Variants in ACSF2 observed in about 807,000 individuals in gnomAD.
The protein encoded by ACSF2 is acyl-CoA synthetase family member 2.
ACSF2 carries 52 observed loss-of-function variants against 79.3 expected under a neutral mutation model. That is an observed-to-expected ratio of 0.66 (90% CI 0.53 to 0.83). The LOEUF is 0.83. ACSF2 is among the 40% of genes least tolerant of loss of function. The probability of loss-of-function intolerance (pLI) is 0.00; values close to 1 mark genes in which losing one functional copy is unlikely to be tolerated. For synonymous variants in ACSF2, 283 were observed against 312.6 expected, an observed-to-expected ratio of 0.91 and a Z score of 1.00; for missense variants, 661 against 803.3, an observed-to-expected ratio of 0.82 and a Z score of 2.14.
intron 1 of ACSF2, among the ~76,000 whole-genome samples, chr17:50,439,239 T>G (rs1028116502): frequency 6.9e-6 from 1 of 145,270 alleles, no homozygotes; most frequent in Non-Finnish European, 1.5e-5. Context: ...CAGCTTTTTT[T>G]TTTTTTTTTT....
chr17:50,455,234 C>T (rs984253298), intron 1 of ACSF2, among the ~76,000 whole-genome samples: 1 of 152,142 alleles, frequency 6.6e-6, no homozygotes, highest in Non-Finnish European at 1.5e-5. Flanking sequence ...CCACCCACCT[C>T]GGCCTCCCAA....
chr17:50,474,810 G>A lies in ACSF2; in HGVS notation c.*258G>A, dbSNP rs2033270543. On this transcript the variant is annotated 3_prime_UTR_variant, in exon 16 of 16. Transcript: ENST00000300441. The surrounding 1 kb of genome is among the most constrained non-coding windows in gnomAD (Gnocchi z 4.2). ...ATTCCCCTGTCTGTCCTTGTGATTT[G>A]GCATAAAGAGCTTCTGTTTTCTTTG... is the stretch of plus-strand genomic sequence containing the variant. The A allele has an allele frequency of 1.0e-5, 5 of 496,890 alleles. No homozygotes were observed. The highest frequency in any genetic ancestry group is 7.0e-5 in the East Asian group (2 of 28,748). The allele number at this position is 496,890 out of a possible 1,614,324, so 30.8% of individuals were successfully genotyped here.
Position 50,463,501 on chromosome 17 carries a change from C to T in ACSF2, c.995C>T (p.Ala332Val). 4 of 1,614,180 alleles carry T rather than the reference C, an allele frequency of 2.5e-6. No individual in the cohort carries two copies. The highest frequency in any genetic ancestry group is 3.4e-6 in the Non-Finnish European group (4 of 1,180,034). The change falls in exon 8 of 16, where the codon GCC becomes GTC. Residue 332 changes from alanine (A) to valine (V), a missense_variant. Transcript: ENST00000300441. The surrounding 1 kb of genome is among the most constrained non-coding windows in gnomAD (Gnocchi z 4.6). ...ATGTACGGTGCCACCCTCATCCTGG[C>T]CTCTCCCATCTTCAATGGCAAGAAG... The part of the protein sequence containing the change: ...CLMYGATLIL[A>V]SPIFNGKKAL...
chr17:50,466,747 A>G (rs925719693), intron 10 of ACSF2, among the ~76,000 whole-genome samples: 5 of 152,310 alleles, frequency 3.3e-5, no homozygotes, highest in Non-Finnish European at 4.4e-5. Flanking sequence ...GGACGGCTCC[A>G]GAGGAAATGT....
intron 1 of ACSF2, among the ~76,000 whole-genome samples, chr17:50,441,236 G>A (rs1486426147): frequency 6.6e-6 from 1 of 152,260 alleles, no homozygotes; most frequent in Non-Finnish European, 1.5e-5. Context: ...GTGGCACGAT[G>A]TCGGCTCACT....
chr17:50,461,455 T>C, intron 3 of ACSF2, 85 bp downstream of exon 3: 1 of 1,601,572 alleles, frequency 6.2e-7, no homozygotes, highest in South Asian at 1.1e-5. Context: ...AGCCCCAGGA[T>C]CAAACCAGTG....
Position 50,474,096 on chromosome 17 carries a change from C to T in ACSF2, c.1728+92C>T. On this transcript the variant is annotated intron_variant, in intron 14 of 15. Coordinates refer to ENST00000300441, the MANE Select transcript of ACSF2 (RefSeq NM_025149.6). This position sits in a 1 kb window ranked among gnomAD's most constrained non-coding sequence, Gnocchi z 4.2. The stretch of plus-strand genomic sequence containing the variant: ...AGCCCAGGGTGGGGATTGCTCTGCC[C>T]TTGACGAAGCTGACTCCTGGCCAGG... The T allele has an allele frequency of 6.3e-7, 1 of 1,584,286 alleles. No homozygotes were observed. Among genetic ancestry groups the T allele is most frequent in the South Asian group, 1.1e-5 (1 of 88,046 alleles).
At chr17:50,464,141 C>G in intron 9 of ACSF2, 77 bp from the exon 10 acceptor site, 1 of 1,481,536 alleles carries the variant, frequency 6.7e-7, no homozygotes, top group Non-Finnish European at 9.4e-7. Flanking sequence ...TGTTCCTCCC[C>G]TGAATGAGCT....
intron 10 of ACSF2, chr17:50,465,757 G>A: frequency 6.2e-7 from 1 of 1,613,888 alleles, no homozygotes; most frequent in Non-Finnish European, 8.5e-7. Flanking sequence ...TATTGGTAAG[G>A]GCGAGGGTCT....
chr17:50,467,645 CA>C (rs2032822840), intron 10 of ACSF2, among the ~76,000 whole-genome samples: 1 of 152,150 alleles, frequency 6.6e-6, no homozygotes, highest in Non-Finnish European at 1.5e-5. Flanking sequence ...CCTCAATAAA[CA>C]AACCTTCCTT....
intron 1 of ACSF2, among the ~76,000 whole-genome samples, chr17:50,441,840 A>T (rs892539998): frequency 2.0e-5 from 3 of 150,906 alleles, no homozygotes; most frequent in African/African-American, 7.3e-5. Context: ...TTATTTATTT[A>T]TTTTTATTTA....
intron 6 of ACSF2, chr17:50,462,898 A>C: frequency 1.7e-6 from 1 of 582,676 alleles, no homozygotes; most frequent in Non-Finnish European, 3.0e-6. Flanking sequence ...CGCAGAAGAG[A>C]GAATTTGCCC....
chr17:50,426,339 CCT>C lies in ACSF2; in HGVS notation c.84_85del (p.Arg29GlufsTer41). On this transcript the variant is annotated frameshift_variant, in exon 1 of 16. Transcript: ENST00000300441. LOFTEE classifies it high-confidence loss of function. ...CGGGGGTGCTGGGGGCCCGGGCCGC[CCT>C]CTCTCGGAGTTGGCAGGAAGCCAGG... ...SSGVLGARAA[L>X]SRSWQEARLQ... 7.0e-7 allele frequency: 1 copy of C among 1,423,072 alleles called. No individual in the cohort carries two copies. The highest frequency in any genetic ancestry group is 1.6e-5 in the South Asian group (1 of 62,962). The allele number at this position is 1,423,072 out of a possible 1,614,324, so 88.2% of individuals were successfully genotyped here.
At chr17:50,464,634 A>C (rs1258320209) in intron 10 of ACSF2, 4 of 501,274 alleles carry the variant, frequency 8.0e-6, no homozygotes, top group Middle Eastern at 3.0e-4. Flanking sequence ...TGGGCTTTAA[A>C]ACCCTTTCTG....
In ACSF2 at chr17:50,463,142, G is replaced by C; in HGVS notation, c.793-14G>C. The C allele has an allele frequency of 6.2e-7, 1 of 1,611,918 alleles. No homozygotes were observed. The highest frequency in any genetic ancestry group is 2.2e-5 in the East Asian group (1 of 44,878). ...TGAGAAGGAGGCCAAGCCATGCCCT[G>C]TTTGCCTTGTCAGGGGACAACAGGC... is the stretch of plus-strand genomic sequence containing the variant. On this transcript the variant is annotated splice_polypyrimidine_tract_variant and intron_variant, in intron 6 of 15. Transcript: ENST00000300441. The surrounding 1 kb of genome is among the most constrained non-coding windows in gnomAD (Gnocchi z 4.6).
intron 1 of ACSF2, 88 bp from the exon 2 acceptor site, chr17:50,460,589 T>A (rs2032268225): frequency 8.2e-7 from 1 of 1,225,874 alleles, no homozygotes; most frequent in Admixed American, 2.2e-5. Flanking sequence ...GTCAGCAGCC[T>A]ACCCCCTGGC....
chr17:50,441,681 C>T (rs1338489380), intron 1 of ACSF2, among the ~76,000 whole-genome samples: 1 of 152,142 alleles, frequency 6.6e-6, no homozygotes, highest in African/African-American at 2.4e-5. Context: ...TTATGAAGAT[C>T]ACAGATCAGG....
chr17:50,454,165 C>T (rs2031846385), intron 1 of ACSF2, among the ~76,000 whole-genome samples: 1 of 145,916 alleles, frequency 6.9e-6, no homozygotes, highest in Non-Finnish European at 1.5e-5. Context: ...TAAGACCGTC[C>T]CAAATTTTTT....
Position 50,472,458 on chromosome 17 carries a change from C to T in ACSF2, c.1354C>T (p.Leu452=), listed in dbSNP as rs537935777. 1 of 1,612,774 alleles carries T rather than the reference C, an allele frequency of 6.2e-7. No individual in the cohort carries two copies. Among genetic ancestry groups the T allele is most frequent in the South Asian group, 1.1e-5 (1 of 90,856 alleles). ...GATCATGAACATGGAGGCAGGGACG[C>T]TGGCAAAGCTGAACACGCCCGGGGA... ...ARIMNMEAGT[L]AKLNTPGELC... Residue 452 remains leucine, a synonymous_variant, in exon 12 of 16, where the codon CTG becomes TTG. Coordinates refer to ENST00000300441, the MANE Select transcript of ACSF2 (RefSeq NM_025149.6).
Sources: gnomAD v4.1 joint callset for allele counts (sites outside exome capture counted in the v4.1 genomes callset) on GRCh38, gnomAD v4.1.1 for gene constraint, Gnocchi (gnomAD v3.1) non-coding constraint, MANE v1.5 for transcripts, NCBI Gene and HGNC (gene_info 2026-07-23, HGNC 2026-07-21) for gene names.